The following FOXP2 variants were observed in gnomAD, a reference collection of about 807,000 sequenced individuals.
The protein encoded by FOXP2 is forkhead box P2.
In FOXP2, 12 loss-of-function variants were observed where a neutral mutation model predicts 115.8. That is an observed-to-expected ratio of 0.10 (90% CI 0.07 to 0.17). The LOEUF (loss-of-function observed/expected upper bound fraction) is 0.17. FOXP2 is among the 10% of genes least tolerant of loss of function. The pLI is 1.00. For missense variants in FOXP2, 629 were observed against 843.5 expected (o/e 0.75, Z 3.15); for synonymous variants, 328 against 297.7 (o/e 1.10, Z -1.05).
intron 2 of FOXP2, among the ~76,000 whole-genome samples, chr7:114,391,864 T>C (rs1341329395): frequency 6.6e-6 from 1 of 152,224 alleles, no homozygotes; most frequent in Non-Finnish European, 1.5e-5. Context: ...AATTCTAGTT[T>C]GTGTCAAACT....
At chr7:114,249,846 C>T (rs1032956890) in intron 1 of FOXP2, among the ~76,000 whole-genome samples, 14 of 151,690 alleles carry the variant, frequency 9.2e-5, no homozygotes, top group East Asian at 7.8e-4. Context: ...ATGTGCACAA[C>T]GTGCAGGTTT....
intron 2 of FOXP2, among the ~76,000 whole-genome samples, chr7:114,339,534 A>T (rs151121854): frequency 4.0e-5 from 6 of 150,994 alleles, no homozygotes; most frequent in South Asian, 2.1e-4. Context: ...TTGCTACATC[A>T]TGGGTCCAAC....
chr7:114,103,726 A>T (rs1184045483), intron 1 of FOXP2, among the ~76,000 whole-genome samples: 1 of 152,052 alleles, frequency 6.6e-6, no homozygotes, highest in Non-Finnish European at 1.5e-5. Context: ...TAGAGGTAAC[A>T]TTTGTTTCCT....
At chr7:114,485,068 A>G (rs981963522) in intron 2 of FOXP2, among the ~76,000 whole-genome samples, 3 of 151,944 alleles carry the variant, frequency 2.0e-5, no homozygotes, top group African/African-American at 7.2e-5. Context: ...AATAAATATC[A>G]TTAGTACTAG....
chr7:114,267,290 C>CT (rs1193729520), intron 1 of FOXP2, among the ~76,000 whole-genome samples: 3 of 152,258 alleles, frequency 2.0e-5, no homozygotes, highest in African/African-American at 7.2e-5. Context: ...TTATGAACAA[C>CT]TTTTTGCAAG....
At chr7:114,472,627 C>T (rs1196997301) in intron 2 of FOXP2, among the ~76,000 whole-genome samples, 3 of 152,230 alleles carry the variant, frequency 2.0e-5, no homozygotes, top group Non-Finnish European at 2.9e-5. Context: ...GGTTTACAAA[C>T]GTGAGCCATC....
At chr7:114,678,261 A>G (rs1051339906) in intron 16 of FOXP2, among the ~76,000 whole-genome samples, 1 of 152,216 alleles carries the variant, frequency 6.6e-6, no homozygotes, top group Non-Finnish European at 1.5e-5. Context: ...TGAGGAGATG[A>G]GCAAAGATGA....
Position 114,378,701 on chromosome 7 carries a change from A to AAAAAAAAAAAAAAAAAAG in FOXP2, c.-10-47801_-10-47800insAAAAAAAAAAAAAAAAAG, listed in dbSNP as rs1554380027. On this transcript the variant is annotated intron_variant, in intron 2 of 17. Coordinates refer to the FOXP2 transcript ENST00000634411. ...CCTGTCTCCAAAAAAAAAAAAAAAA[A>AAAAAAAAAAAAAAAAAAG]GGAAAAGAAAAAGAAAGAAAGTGAA... Among the ~76,000 whole-genome samples, 17 of 106,800 alleles carry AAAAAAAAAAAAAAAAAAG rather than the reference A, an allele frequency of 1.6e-4. 2 individuals are homozygous for AAAAAAAAAAAAAAAAAAG. The highest frequency in any genetic ancestry group is 2.5e-4 in the African/African-American group (7 of 28,204). The allele number at this position is 106,800 out of a possible 152,430, so 70.1% of individuals were successfully genotyped here.
At chr7:114,551,742 A>G (rs1192272544) in intron 3 of FOXP2, among the ~76,000 whole-genome samples, 1 of 152,194 alleles carries the variant, frequency 6.6e-6, no homozygotes, top group Non-Finnish European at 1.5e-5. Flanking sequence ...ATTTTTTTAC[A>G]TTAAAAAGAT....
intron 3 of FOXP2, among the ~76,000 whole-genome samples, chr7:114,557,837 T>G (rs984904715): frequency 6.6e-6 from 1 of 150,612 alleles, no homozygotes; most frequent in Non-Finnish European, 1.5e-5. Flanking sequence ...AGAGATGGAG[T>G]CCTGCTCTGT....
At chr7:114,441,839 G>A (rs1794620358) in intron 2 of FOXP2, among the ~76,000 whole-genome samples, 1 of 152,120 alleles carries the variant, frequency 6.6e-6, no homozygotes, top group South Asian at 2.1e-4. Context: ...AATAGCTACA[G>A]TAAAAAAAGA....
intron 16 of FOXP2, among the ~76,000 whole-genome samples, chr7:114,687,850 G>T (rs901033201): frequency 6.6e-6 from 1 of 151,972 alleles, no homozygotes; most frequent in Non-Finnish European, 1.5e-5. Flanking sequence ...TATTTACTAT[G>T]TAATGAGTTC....
At chr7:114,229,158 T>G (rs1433650567) in intron 1 of FOXP2, among the ~76,000 whole-genome samples, 1 of 151,038 alleles carries the variant, frequency 6.6e-6, no homozygotes, top group Non-Finnish European at 1.5e-5. Flanking sequence ...AAAGAGAAAC[T>G]TTATATAATG....
At chr7:114,093,693 T>A (rs1799587009) in intron 1 of FOXP2, among the ~76,000 whole-genome samples, 1 of 152,100 alleles carries the variant, frequency 6.6e-6, no homozygotes, top group Non-Finnish European at 1.5e-5. Context: ...TGTTCGTTAC[T>A]GGCAAAGTCA....
chr7:114,336,063 A>G (rs1393038397), intron 2 of FOXP2, among the ~76,000 whole-genome samples: 1 of 151,738 alleles, frequency 6.6e-6, no homozygotes, highest in East Asian at 1.9e-4. Context: ...ACAAAGCTCT[A>G]TGGACTTGAA....
chr7:114,501,455 TA>T (rs1250848174), intron 2 of FOXP2, among the ~76,000 whole-genome samples: 2 of 152,118 alleles, frequency 1.3e-5, no homozygotes, highest in African/African-American at 4.8e-5. Context: ...TTGAATAAAT[TA>T]CATGAAAACA....
intron 2 of FOXP2, among the ~76,000 whole-genome samples, chr7:114,343,171 A>T (rs1164124593): frequency 6.6e-6 from 1 of 151,448 alleles, no homozygotes; most frequent in Non-Finnish European, 1.5e-5. Flanking sequence ...TAATTACAGC[A>T]CATTTTTTTT....
chr7:114,610,933 C>A (rs1303950609), intron 3 of FOXP2, among the ~76,000 whole-genome samples: 1 of 152,010 alleles, frequency 6.6e-6, no homozygotes, highest in East Asian at 1.9e-4. Flanking sequence ...TCAGCCTGGC[C>A]CTAAGAGTTC....
At chr7:114,235,138 GTT>G (rs78597671) in intron 1 of FOXP2, among the ~76,000 whole-genome samples, 5,376 of 149,262 alleles carry the variant, frequency 0.036, 151 homozygotes, top group East Asian at 0.11. Context: ...TCACTCCAAT[GTT>G]TTTTTTTAAT....
Sources: allele counts gnomAD v4.1 joint callset (sites outside exome capture counted in the v4.1 genomes callset), GRCh38; gene constraint gnomAD v4.1.1; transcripts MANE v1.5; gene names NCBI Gene and HGNC (gene_info 2026-07-23, HGNC 2026-07-21).